The following AHCYL2 variants were observed in gnomAD, a reference collection of about 807,000 sequenced individuals.
The protein encoded by AHCYL2 is S-adenosylhomocysteine hydrolase-like protein 2.
AHCYL2 carries 28 observed loss-of-function variants against 81.4 expected under a neutral mutation model. That is an observed-to-expected ratio of 0.34 (90% confidence interval 0.25 to 0.47). The LOEUF is 0.47. Among genes scored for constraint, AHCYL2 ranks in the 20% least tolerant of loss-of-function variants. The pLI is 1.00. For synonymous variants in AHCYL2, 272 were observed against 290.2 expected (o/e 0.94, Z 0.64); for missense variants, 551 against 785.1 (o/e 0.70, Z 3.56).
At chr7:129,262,246 A>G (rs1203677110) in intron 1 of AHCYL2, among the ~76,000 whole-genome samples, 1 of 152,196 alleles carries the variant, frequency 6.6e-6, no homozygotes, top group Non-Finnish European at 1.5e-5. Flanking sequence ...ACATACTTTG[A>G]GGGTTAGAAA....
chr7:129,400,056 A>T (rs68047560), intron 5 of AHCYL2, among the ~76,000 whole-genome samples: 30,177 of 151,992 alleles, frequency 0.2, 3,852 homozygotes, highest in Non-Finnish European at 0.28. Context: ...CAACTGTCAT[A>T]CTTTTGTCCA....
At chr7:129,260,726 A>G (rs1795600180) in intron 1 of AHCYL2, among the ~76,000 whole-genome samples, 1 of 152,232 alleles carries the variant, frequency 6.6e-6, no homozygotes, top group East Asian at 1.9e-4. Context: ...CTGTCAATTC[A>G]GTACAAAGGC....
Position 129,424,683 on chromosome 7 carries a change from G to C in AHCYL2, c.1561-191G>C, listed in dbSNP as rs1217882748. 5 of 612,642 alleles carry C rather than the reference G, an allele frequency of 8.2e-6. No individual in the cohort carries two copies. In the East Asian group the frequency reaches 1.4e-4, roughly 17 times the overall value. The allele number at this position is 612,642 out of a possible 1,614,324, so 38.0% of individuals were successfully genotyped here. ...AATCTTTTAGCTATTAGTTTCATCA[G>C]ATTTTCCAGAATTTTAGTGGTTTCA... is the stretch of plus-strand genomic sequence containing the variant. On this transcript the variant is annotated intron_variant, in intron 13 of 16. Transcript: ENST00000325006.
At chr7:129,267,549 C>T (rs1795858911) in intron 1 of AHCYL2, among the ~76,000 whole-genome samples, 1 of 152,128 alleles carries the variant, frequency 6.6e-6, no homozygotes, top group African/African-American at 2.4e-5. Context: ...AAGTCATCTG[C>T]CCACCTTGGC....
At chr7:129,247,389 ATT>A (rs1057242475) in intron 1 of AHCYL2, among the ~76,000 whole-genome samples, 7 of 152,064 alleles carry the variant, frequency 4.6e-5, no homozygotes, top group Non-Finnish European at 1.0e-4. Flanking sequence ...TGTTTACATC[ATT>A]TTCCCATTTT....
At chr7:129,322,170 T>TGCCC (rs1184192757) in intron 1 of AHCYL2, among the ~76,000 whole-genome samples, 1 of 151,298 alleles carries the variant, frequency 6.6e-6, no homozygotes, top group Non-Finnish European at 1.5e-5. Flanking sequence ...TTTGTTTGTT[T>TGCCC]GCCCTGTTAC....
In AHCYL2 at chr7:129,427,825, C is replaced by T. The variant is rs1047173612; in HGVS notation, c.*780C>T. 6.6e-6 allele frequency: 1 copy of T among 152,552 alleles called. No homozygotes were observed. The highest frequency in any genetic ancestry group is 1.5e-5 in the Non-Finnish European group (1 of 68,016). The allele number at this position is 152,552 out of a possible 1,614,324, so 9.4% of individuals were successfully genotyped here. ...GAAGTGGGGCCAGCTCCACTGGGAC[C>T]CATAGTTTTACTTCCTTGTCATTTG... On this transcript the variant is annotated 3_prime_UTR_variant, in exon 17 of 17. Transcript: ENST00000325006. The surrounding 1 kb of genome is among the most constrained non-coding windows in gnomAD (Gnocchi z 5.5).
In AHCYL2 at chr7:129,275,084, G is replaced by A. The variant is rs558079496; in HGVS notation, c.363+49645G>A. ...TTTAGAATAGTTTTTAAATTTAGCCGTAGATAACTGGAACATGGCCAGGCG... is the reference window on the plus strand; with the variant it reads ...TTTAGAATAGTTTTTAAATTTAGCCATAGATAACTGGAACATGGCCAGGCG... On this transcript the variant is annotated intron_variant, in intron 1 of 16. Coordinates refer to ENST00000325006, the MANE Select transcript of AHCYL2 (RefSeq NM_015328.4). Among the ~76,000 whole-genome samples the A allele has an allele frequency of 1.1e-4, 17 of 152,210 alleles. No homozygotes were observed. In the South Asian group the frequency reaches 2.3e-3, roughly 20 times the overall value.
intron 11 of AHCYL2, among the ~76,000 whole-genome samples, chr7:129,411,359 G>A (rs773231500): frequency 3.9e-5 from 6 of 151,918 alleles, no homozygotes; most frequent in Non-Finnish European, 7.4e-5. Context: ...TCCATCATCC[G>A]CCAGGCCTAG....
chr7:129,265,838 A>G (rs1377145224), intron 1 of AHCYL2, among the ~76,000 whole-genome samples: 1 of 152,228 alleles, frequency 6.6e-6, no homozygotes, highest in Non-Finnish European at 1.5e-5. Flanking sequence ...GGTTACTGCA[A>G]TAACTAGAGA....
At chr7:129,286,331 A>G (rs1796628241) in intron 1 of AHCYL2, among the ~76,000 whole-genome samples, 1 of 151,608 alleles carries the variant, frequency 6.6e-6, no homozygotes, top group African/African-American at 2.4e-5. Context: ...GCTCACTGCA[A>G]CCTCTGCCTC....
chr7:129,253,395 G>A (rs944125026), intron 1 of AHCYL2, among the ~76,000 whole-genome samples: 3 of 152,022 alleles, frequency 2.0e-5, no homozygotes, highest in African/African-American at 4.8e-5. Context: ...TAATTCTTAC[G>A]GTAGCACTGT....
At position 129,368,161 on chromosome 7, in the gene AHCYL2, C is replaced by T. The variant is rs534027130; in HGVS notation, c.364-11477C>T. ...CAACTATTGCTGCAGAAAGTCCCCA[C>T]TGGGGAGGTGCGGGTAGAGTGTTTG... On this transcript the variant is annotated intron_variant, in intron 1 of 16. Transcript: ENST00000325006. This position sits in a 1 kb window ranked among gnomAD's most constrained non-coding sequence, Gnocchi z 4.4. 12 of 1,092,268 alleles carry T rather than the reference C, an allele frequency of 1.1e-5. No individual in the cohort carries two copies. In the African/African-American group the frequency reaches 1.8e-4, roughly 16 times the overall value. The allele number at this position is 1,092,268 out of a possible 1,614,324, so 67.7% of individuals were successfully genotyped here. A position where few individuals can be genotyped will look rare whatever the true frequency, so the allele number is the denominator to read the frequency against.
chr7:129,367,066 A>G (rs977879761), intron 1 of AHCYL2, among the ~76,000 whole-genome samples: 3 of 152,208 alleles, frequency 2.0e-5, no homozygotes, highest in African/African-American at 7.2e-5. Flanking sequence ...TCTTCAAAGT[A>G]GGCAATCAGA....
chr7:129,325,616 T>C (rs1459935961), intron 1 of AHCYL2, among the ~76,000 whole-genome samples: 1 of 152,218 alleles, frequency 6.6e-6, no homozygotes, highest in Non-Finnish European at 1.5e-5. Flanking sequence ...CTATACCCCT[T>C]TTCTTACCTT....
intron 1 of AHCYL2, among the ~76,000 whole-genome samples, chr7:129,252,890 A>G (rs1795290743): frequency 6.6e-6 from 1 of 152,082 alleles, no homozygotes; most frequent in Admixed American, 6.5e-5. Flanking sequence ...TAGAAGACTC[A>G]GCAGGTGGGC....
At chr7:129,423,382 C>T (rs1270500567) in intron 13 of AHCYL2, among the ~76,000 whole-genome samples, 2 of 152,070 alleles carry the variant, frequency 1.3e-5, no homozygotes, top group East Asian at 3.9e-4. Context: ...AGGTCCATTC[C>T]CTTGAATTGA....
At chr7:129,341,763 C>T (rs1453203591) in intron 1 of AHCYL2, among the ~76,000 whole-genome samples, 1 of 152,118 alleles carries the variant, frequency 6.6e-6, no homozygotes, top group South Asian at 2.1e-4. Context: ...CTGTGAATTT[C>T]GAGGGTGGGA....
chr7:129,361,792 A>AT lies in AHCYL2; in HGVS notation c.364-17832dup, dbSNP rs144351453. 3.2e-3 allele frequency among the ~76,000 whole-genome samples: 474 copies of AT among 146,468 alleles called. 2 individuals are homozygous for AT. The highest frequency in any genetic ancestry group is 0.01 in the African/African-American group (405 of 39,766). On this transcript the variant is annotated intron_variant, in intron 1 of 16. Transcript: ENST00000325006. ...AGGCGCACACCACTATGTCTGGCTA[A>AT]TTTTTTTTTTTTTTAAGAGATGGGG...
Sources: allele counts gnomAD v4.1 joint callset (sites outside exome capture counted in the v4.1 genomes callset), GRCh38; gene constraint gnomAD v4.1.1; non-coding constraint Gnocchi (gnomAD v3.1); transcripts MANE v1.5; gene names NCBI Gene and HGNC (gene_info 2026-07-23, HGNC 2026-07-21).